Variants in AIMP2 observed in about 807,000 individuals in gnomAD.
AIMP2 encodes the protein aminoacyl tRNA synthetase complex interacting multifunctional protein 2, also known as aminoacyl tRNA synthase complex-interacting multifunctional protein 2.
AIMP2 carries 20 observed loss-of-function variants against 23.4 expected under a neutral mutation model. That is an observed-to-expected ratio of 0.85 (90% CI 0.60 to 1.24). AIMP2 has a LOEUF of 1.24. AIMP2 is among the 50% of genes most tolerant of loss of function. AIMP2 has a pLI of 0.00. For synonymous variants in AIMP2, 210 were observed against 170.4 expected (o/e 1.23, Z -1.81); for missense variants, 515 against 414.5 (o/e 1.24, Z -2.10).
intron 2 of AIMP2, among the ~76,000 whole-genome samples, chr7:6,016,662 A>G (rs1334209680): frequency 6.6e-6 from 1 of 152,110 alleles, no homozygotes; most frequent in Admixed American, 6.6e-5. Flanking sequence ...GCTCAAGATG[A>G]ATTTTGATAC....
intron 1 of AIMP2, chr7:6,012,692 T>G (rs141486085): frequency 9.3e-6 from 4 of 429,622 alleles, no homozygotes; most frequent in African/African-American, 8.2e-5. Context: ...CTCCAGTAGC[T>G]GGGATTACAG....
intron 1 of AIMP2, among the ~76,000 whole-genome samples, chr7:6,010,014 GC>G (rs1268996139): frequency 8.0e-6 from 1 of 125,710 alleles, no homozygotes; most frequent in Non-Finnish European, 1.6e-5. Flanking sequence ...TCCAGGTCGG[GC>G]GCGGTGGTTC....
intron 3 of AIMP2, chr7:6,022,688 G>A (rs1787514878): frequency 6.6e-6 from 1 of 152,348 alleles, no homozygotes; most frequent in Non-Finnish European, 1.5e-5. Flanking sequence ...AGCTCAAGGG[G>A]GGGACTGTGA....
At chr7:6,023,060 C>T (rs1787550235) in intron 3 of AIMP2, 1 of 476,444 alleles carries the variant, frequency 2.1e-6, no homozygotes, top group Non-Finnish European at 3.6e-6. Context: ...CTTCTAGCTT[C>T]AGAAGTGTCA....
intron 1 of AIMP2, chr7:6,012,833 T>A: frequency 9.9e-7 from 1 of 1,014,828 alleles, no homozygotes; most frequent in Non-Finnish European, 1.2e-6. Context: ...ATTACAGGTA[T>A]CAGCCACTGT....
chr7:6,011,278 C>T (rs75285243), intron 1 of AIMP2, among the ~76,000 whole-genome samples: 6 of 152,170 alleles, frequency 3.9e-5, no homozygotes, highest in East Asian at 1.9e-4. Context: ...GCTCGCTCAC[C>T]GCTCACCAGC....
chr7:6,009,648 A>G, intron 1 of AIMP2, 150 bp downstream of exon 1: 3 of 671,952 alleles, frequency 4.5e-6, no homozygotes, highest in Non-Finnish European at 6.4e-6. Flanking sequence ...TCAGACTTTT[A>G]TGTTTTAAAA....
chr7:6,009,412 C>G lies in AIMP2; in HGVS notation c.49C>G (p.Arg17Gly). 1.9e-6 allele frequency: 3 copies of G among 1,611,576 alleles called. No homozygotes were observed. Among genetic ancestry groups the G allele is most frequent in the Non-Finnish European group, 2.5e-6 (3 of 1,179,984 alleles). The change falls in exon 1 of 4, where the codon CGT (arginine) becomes GGT (glycine). Residue 17 changes from arginine to glycine, a missense_variant. Coordinates refer to ENST00000223029, the MANE Select transcript of AIMP2 (RefSeq NM_006303.4). The part of the protein sequence containing the change: ...KPYHGGGAPL[R>G]VELPTCMYRL... ...CTATCACGGGGGCGGCGCGCCTCTC[C>G]GTGTGGAGCTTCCCACCTGCATGTA...
intron 3 of AIMP2, chr7:6,023,039 G>A: frequency 2.5e-6 from 1 of 395,820 alleles, no homozygotes; most frequent in East Asian, 4.6e-5. Context: ...GGAGCAGGTG[G>A]TCTGAGGTCC....
Position 6,023,416 on chromosome 7 carries a change from G to T in AIMP2, c.688G>T (p.Ala230Ser), listed in dbSNP as rs756474990. The T allele has an allele frequency of 6.2e-7, 1 of 1,614,094 alleles. No individual in the cohort carries two copies. Among genetic ancestry groups the T allele is most frequent in the Admixed American group, 1.7e-5 (1 of 59,986 alleles). The change falls in exon 4 of 4, where the codon GCA (alanine) becomes TCA (serine). Residue 230 changes from alanine (A) to serine (S), a missense_variant. Physicochemically the swap from Ala to Ser is moderately conservative, Grantham distance 99. Transcript: ENST00000223029. ...TGGCCAGAAGCATAATGCTGTCAAC[G>T]CAACCCTTATAGATAGCTGGGTAGA... ...LFGQKHNAVN[A>S]TLIDSWVDIA...
At chr7:6,010,111 C>A (rs1236936775) in intron 1 of AIMP2, among the ~76,000 whole-genome samples, 7 of 150,156 alleles carry the variant, frequency 4.7e-5, no homozygotes, top group African/African-American at 1.7e-4. Flanking sequence ...AGCAACATAG[C>A]GAGACCCTTG....
In AIMP2 at chr7:6,015,217, G is replaced by A. The variant is rs1307618827; in HGVS notation, c.207G>A (p.Leu69=). ...ATATTTTAAAACGTCTGTATGAGTT[G>A]AAAGCTGCAGTTGATGGCCTCTCCA... ...QDDILKRLYE[L]KAAVDGLSKM... Residue 69 remains leucine (L), a synonymous_variant, in exon 2 of 4, where the codon TTG becomes TTA. Coordinates refer to ENST00000223029, the MANE Select transcript of AIMP2 (RefSeq NM_006303.4). 27 of 1,614,198 alleles carry A rather than the reference G, an allele frequency of 1.7e-5. No homozygotes were observed. Among genetic ancestry groups the A allele is most frequent in the Non-Finnish European group, 2.2e-5 (26 of 1,180,034 alleles).
At chr7:6,016,015 C>G (rs923484229) in intron 2 of AIMP2, among the ~76,000 whole-genome samples, 4 of 152,170 alleles carry the variant, frequency 2.6e-5, no homozygotes, top group African/African-American at 9.7e-5. Context: ...GCTCAGTGTT[C>G]CCCAGAGGTT....
At position 6,022,813 on chromosome 7, in the gene AIMP2, C is replaced by A. The variant is rs188525193; in HGVS notation, c.575-490C>A. 178 of 154,690 alleles carry A rather than the reference C, an allele frequency of 1.2e-3. 1 individual carries two copies. The highest frequency in any genetic ancestry group is 1.3e-3 in the East Asian group (7 of 5,206). 9.6% of individuals were successfully genotyped at this position (154,690 alleles called of 1,614,324 possible). ...ATCATAGGGACACTGAAGTTATCTTCTCATATGGCCATATAAAGATAGGAT... is the reference window on the plus strand; with the variant it reads ...ATCATAGGGACACTGAAGTTATCTTATCATATGGCCATATAAAGATAGGAT... On this transcript the variant is annotated intron_variant, in intron 3 of 3. Coordinates refer to ENST00000223029, the MANE Select transcript of AIMP2 (RefSeq NM_006303.4).
chr7:6,015,214 G>C lies in AIMP2; in HGVS notation c.204G>C (p.Glu68Asp), dbSNP rs746484855. The change falls in exon 2 of 4, where the codon GAG becomes GAC. Residue 68 changes from glutamate (E) to aspartate (D), a missense_variant. Transcript: ENST00000223029. ...ATGATATTTTAAAACGTCTGTATGA[G>C]TTGAAAGCTGCAGTTGATGGCCTCT... Reference protein sequence around the residue: ...RQDDILKRLYELKAAVDGLSK... With the variant: ...RQDDILKRLYDLKAAVDGLSK... The C allele has an allele frequency of 1.2e-6, 2 of 1,614,186 alleles. No individual in the cohort carries two copies. The highest frequency in any genetic ancestry group is 1.7e-6 in the Non-Finnish European group (2 of 1,180,032).
At chr7:6,017,763 G>C in intron 2 of AIMP2, 51 bp from the exon 3 acceptor site, 2 of 1,531,526 alleles carry the variant, frequency 1.3e-6, no homozygotes, top group Non-Finnish European at 8.9e-7. Context: ...GCCCGGCACA[G>C]TGGCACTCTC....
intron 1 of AIMP2, among the ~76,000 whole-genome samples, chr7:6,014,159 C>T (rs964617298): frequency 6.7e-6 from 1 of 150,342 alleles, no homozygotes; most frequent in Non-Finnish European, 1.5e-5. Context: ...TGTTCATTTT[C>T]TATCCTTCCC....
chr7:6,014,605 A>T (rs1015950301), intron 1 of AIMP2, among the ~76,000 whole-genome samples: 1 of 152,004 alleles, frequency 6.6e-6, no homozygotes, highest in African/African-American at 2.4e-5. Context: ...CTATTGGACT[A>T]TGGGGAAAAT....
intron 1 of AIMP2, among the ~76,000 whole-genome samples, chr7:6,014,041 ACCTGTGTTC>A (rs1786865336): frequency 6.6e-6 from 1 of 152,020 alleles, no homozygotes; most frequent in Non-Finnish European, 1.5e-5. Context: ...AAGTGTTTCA[ACCTGTGTTC>A]CCTTTTCCCT....
Sources: gnomAD v4.1 joint callset for allele counts (sites outside exome capture counted in the v4.1 genomes callset) on GRCh38, gnomAD v4.1.1 for gene constraint, MANE v1.5 for transcripts, NCBI Gene and HGNC (gene_info 2026-07-23, HGNC 2026-07-21) for gene names.